Variants in MAP2K1 observed in about 807,000 individuals in gnomAD.
The protein encoded by MAP2K1 is mitogen-activated protein kinase kinase 1.
In MAP2K1, 16 loss-of-function variants were observed where a neutral mutation model predicts 46.3. The ratio of observed to expected loss-of-function variants is 0.35; its 90% CI spans 0.23 to 0.52. MAP2K1 has a LOEUF of 0.52. MAP2K1 is among the 20% of genes least tolerant of loss of function. MAP2K1 has a pLI of 0.94. For synonymous variants in MAP2K1, 183 were observed against 185.6 expected (o/e 0.99, Z 0.11); for missense variants, 263 against 497.1 (o/e 0.53, Z 4.48).
intron 1 of MAP2K1, among the ~76,000 whole-genome samples, chr15:66,417,979 G>A (rs933749827): frequency 2.0e-5 from 3 of 152,162 alleles, no homozygotes; most frequent in Admixed American, 6.5e-5. Context: ...GGGTGTCCAG[G>A]TTCTTGGCAT....
intron 5 of MAP2K1, among the ~76,000 whole-genome samples, chr15:66,465,585 T>A (rs924432530): frequency 1.3e-5 from 2 of 152,146 alleles, no homozygotes; most frequent in Admixed American, 6.6e-5. Context: ...AGTTTTTACT[T>A]CTTCTTTCTT....
chr15:66,489,154 G>T (rs1437384902), intron 8 of MAP2K1, 61 bp from the exon 9 acceptor site: 7 of 1,341,824 alleles, frequency 5.2e-6, no homozygotes, highest in Non-Finnish European at 7.5e-6. Flanking sequence ...GGTGGGATGG[G>T]GAGAGGAGAT....
intron 3 of MAP2K1, among the ~76,000 whole-genome samples, chr15:66,438,263 A>G (rs2093494118): frequency 1.3e-5 from 2 of 150,614 alleles, no homozygotes; most frequent in East Asian, 2.0e-4. Context: ...ATTTTTTTCT[A>G]TCATTACTAG....
At chr15:66,389,133 C>G (rs546077667) in intron 1 of MAP2K1, among the ~76,000 whole-genome samples, 1 of 151,686 alleles carries the variant, frequency 6.6e-6, no homozygotes. Flanking sequence ...GGCAAACTCC[C>G]GTCCTCAGGT....
chr15:66,431,320 T>A (rs1477477904), intron 1 of MAP2K1, among the ~76,000 whole-genome samples: 1 of 152,182 alleles, frequency 6.6e-6, no homozygotes, highest in Admixed American at 6.5e-5. Context: ...CTTGTTGAAC[T>A]TCAACTCCCT....
At chr15:66,490,103 C>A (rs138889457) in intron 10 of MAP2K1, 11 of 526,798 alleles carry the variant, frequency 2.1e-5, no homozygotes, top group Non-Finnish European at 3.8e-5. Flanking sequence ...AGTCACTCTC[C>A]GCCTGCTGTC....
At chr15:66,474,761 G>A (rs1892717873) in intron 5 of MAP2K1, among the ~76,000 whole-genome samples, 1 of 152,066 alleles carries the variant, frequency 6.6e-6, no homozygotes, top group East Asian at 1.9e-4. Context: ...TCATCTGTGT[G>A]CAATGGTTTA....
chr15:66,420,248 A>G (rs117818416), intron 1 of MAP2K1, among the ~76,000 whole-genome samples: 2,004 of 151,570 alleles, frequency 0.013, 22 homozygotes, highest in Non-Finnish European at 0.022. Flanking sequence ...TGTCAAATAA[A>G]TGAATGAACG....
At position 66,398,837 on chromosome 15, in the gene MAP2K1, G is replaced by A. The variant is rs369332534; in HGVS notation, c.80+11410G>A. ...CGTCCAGGCTAGAGTGCAGTGGTGCGATCTCGGCTCACTGCAACCTCCGTC... is the reference window on the plus strand; with the variant it reads ...CGTCCAGGCTAGAGTGCAGTGGTGCAATCTCGGCTCACTGCAACCTCCGTC... On this transcript the variant is annotated intron_variant, in intron 1 of 10. Transcript: ENST00000307102. Among the ~76,000 whole-genome samples the A allele has an allele frequency of 3.3e-5, 5 of 150,464 alleles. No homozygotes were observed. In the East Asian group the frequency reaches 9.8e-4, roughly 30 times the overall value.
intron 6 of MAP2K1, among the ~76,000 whole-genome samples, chr15:66,484,096 T>C (rs1892979264): frequency 6.6e-6 from 1 of 151,692 alleles, no homozygotes; most frequent in South Asian, 2.1e-4. Flanking sequence ...AGTAGAGTTT[T>C]CTTATATCAT....
chr15:66,448,090 T>G (rs1891922551), intron 5 of MAP2K1, among the ~76,000 whole-genome samples: 1 of 143,902 alleles, frequency 6.9e-6, no homozygotes, highest in Non-Finnish European at 1.5e-5. Flanking sequence ...GAGACGGAGG[T>G]TGCAGTGAGC....
intron 1 of MAP2K1, among the ~76,000 whole-genome samples, chr15:66,392,259 T>TTTTGG (rs2093358107): frequency 9.3e-6 from 1 of 107,214 alleles, no homozygotes; most frequent in Admixed American, 9.0e-5. Context: ...TTTTGGGTTT[T>TTTTGG]TTTTTTTTTT....
intron 1 of MAP2K1, among the ~76,000 whole-genome samples, chr15:66,388,904 C>CTTTTTTTTTTT (rs72328500): frequency 8.9e-6 from 1 of 111,952 alleles, no homozygotes; most frequent in African/African-American, 3.4e-5. Context: ...AACATTTGTT[C>CTTTTTTTTTTT]TTTTTTTTTT....
chr15:66,489,275 T>C lies in MAP2K1; in HGVS notation c.1021T>C (p.Cys341Arg). 6.2e-7 allele frequency: 1 copy of C among 1,613,724 alleles called. No individual in the cohort carries two copies. Among genetic ancestry groups the C allele is most frequent in the South Asian group, 1.1e-5 (1 of 91,070 alleles). Residue 341 changes from cysteine (C) to arginine (R), a missense_variant and splice_region_variant, in exon 9 of 11, where the codon TGC becomes CGC. Physicochemically the swap from Cys to Arg is radical, Grantham distance 180. Around this residue, in one of 4 missense-constraint regions of MAP2K1, gnomAD observed 118 missense variants for 193.0 expected, o/e 0.61. Transcript: ENST00000307102. ...SLEFQDFVNK[C>R]LIKNPAERAD... ...GGAATTTCAAGATTTTGTGAATAAA[T>C]GGTAAGTTGGCTCCTTGTTCTCTGG...
Position 66,469,693 on chromosome 15 carries a change from G to GACACACACACACACACACACAC in MAP2K1, c.569-12052_569-12031dup, listed in dbSNP as rs56197290. On this transcript the variant is annotated intron_variant, in intron 5 of 10. Transcript: ENST00000307102. ...ACCCAAAACATAAAATCCTTTTAAA[G>GACACACACACACACACACACAC]ACACACACACACACACACACACACA... Among the ~76,000 whole-genome samples the GACACACACACACACACACACAC allele has an allele frequency of 9.1e-3, 769 of 84,894 alleles. 30 individuals are homozygous for GACACACACACACACACACACAC. Among genetic ancestry groups the GACACACACACACACACACACAC allele is most frequent in the Non-Finnish European group, 0.011 (482 of 43,004 alleles). The allele number at this position is 84,894 out of a possible 152,430, so 55.7% of individuals were successfully genotyped here.
intron 5 of MAP2K1, among the ~76,000 whole-genome samples, chr15:66,449,019 A>AG (rs1318896096): frequency 6.6e-6 from 1 of 150,936 alleles, no homozygotes; most frequent in African/African-American, 2.4e-5. Flanking sequence ...AAAAAAAAAA[A>AG]AAAAAAAAAC....
chr15:66,404,566 A>T (rs950114922), intron 1 of MAP2K1, among the ~76,000 whole-genome samples: 4 of 152,224 alleles, frequency 2.6e-5, no homozygotes, highest in Non-Finnish European at 2.9e-5. Flanking sequence ...ATCACTGAAT[A>T]ATTTTTTAAA....
At chr15:66,473,083 G>C (rs1369127753) in intron 5 of MAP2K1, among the ~76,000 whole-genome samples, 1 of 152,194 alleles carries the variant, frequency 6.6e-6, no homozygotes, top group African/African-American at 2.4e-5. Flanking sequence ...TCTCCTGCCT[G>C]TAGGTGGTTG....
intron 1 of MAP2K1, among the ~76,000 whole-genome samples, chr15:66,424,237 C>T (rs1200143235): frequency 6.7e-6 from 1 of 150,328 alleles, no homozygotes; most frequent in Non-Finnish European, 1.5e-5. Flanking sequence ...TTTATATTTT[C>T]AGTAGAGGTG....
Sources: allele counts gnomAD v4.1 joint callset (sites outside exome capture counted in the v4.1 genomes callset), GRCh38; gene constraint gnomAD v4.1.1; regional missense constraint gnomAD v4.1.1; transcripts MANE v1.5; gene names NCBI Gene and HGNC (gene_info 2026-07-23, HGNC 2026-07-21).